Variants in SLC2A11 observed in about 807,000 individuals in gnomAD.
The protein encoded by SLC2A11 is solute carrier family 2 member 11.
Under a neutral mutation model 52.1 loss-of-function variants are expected in SLC2A11, and 43 were observed. That is an observed-to-expected ratio of 0.82 (90% CI 0.65 to 1.06). The LOEUF is 1.06. Among genes scored for constraint, SLC2A11 ranks in the 50% least tolerant of loss-of-function variants. SLC2A11 has a pLI of 0.00. For missense variants in SLC2A11, 582 were observed against 654.2 expected, an observed-to-expected ratio of 0.89 and a Z score of 1.20; for synonymous variants, 261 against 277.6, an observed-to-expected ratio of 0.94 and a Z score of 0.59.
chr22:23,861,883 A>G (rs1219190629), intron 1 of SLC2A11, among the ~76,000 whole-genome samples: 1 of 152,166 alleles, frequency 6.6e-6, no homozygotes, highest in African/African-American at 2.4e-5. Flanking sequence ...GGGTGAGGGT[A>G]AAGTGGGGTC....
intron 3 of SLC2A11, chr22:23,869,925 G>A (rs2032395532): frequency 1.4e-6 from 1 of 707,838 alleles, no homozygotes; most frequent in Non-Finnish European, 2.6e-6. Context: ...AAAAGAGCCT[G>A]CCTAGTTCCC....
At chr22:23,857,181 G>A, upstream of SLC2A11, 1 of 856,956 alleles carries the variant, frequency 1.2e-6, no homozygotes, top group Admixed American at 2.4e-5. Flanking sequence ...GCGGCCGGCA[G>A]TGGCGACCGG....
Position 23,868,641 on chromosome 22 carries a change from G to A in SLC2A11, c.290G>A (p.Arg97Lys), listed in dbSNP as rs1258776121. ...LAGPLAITLG[R>K]KKSLLVNNIF... ...GGTCCCTTGGCCATCACGCTGGGAA[G>A]GTAAGTGCTTCCTGCATACCCCCTG... The change falls in exon 3 of 12, where the codon AGG becomes AAG. Residue 97 changes from arginine to lysine, a missense_variant and splice_region_variant. Transcript: ENST00000316185. 1 of 1,613,976 alleles carries A rather than the reference G, an allele frequency of 6.2e-7. No individual in the cohort carries two copies. The highest frequency in any genetic ancestry group is 1.1e-5 in the South Asian group (1 of 91,084).
At chr22:23,877,565 T>C in intron 5 of SLC2A11, 156 bp from the exon 6 acceptor site, 2 of 1,010,280 alleles carry the variant, frequency 2.0e-6, no homozygotes, top group Non-Finnish European at 3.0e-6. Context: ...CCAACCTGGG[T>C]GGGAGGGATC....
At position 23,868,549 on chromosome 22, in the gene SLC2A11, C is replaced by T. The variant is rs201945538; in HGVS notation, c.198C>T (p.Val66=). The T allele has an allele frequency of 6.2e-7, 1 of 1,614,210 alleles. No individual in the cohort carries two copies. The highest frequency in any genetic ancestry group is 1.7e-5 in the Admixed American group (1 of 60,026). The change falls in exon 3 of 12, where the codon GTC becomes GTT. Residue 66 remains valine, a synonymous_variant. Transcript: ENST00000316185. The part of the protein sequence containing the change: ...RTGEPLPDHL[V]LLMWSLIVSL... Reference sequence around the variant, plus strand: ...GAGAGCCACTGCCCGATCACCTAGTCCTGCTTATGTGGTCCCTCATCGTGT... The same window carrying T: ...GAGAGCCACTGCCCGATCACCTAGTTCTGCTTATGTGGTCCCTCATCGTGT...
chr22:23,874,175 A>C (rs933345471), intron 3 of SLC2A11, among the ~76,000 whole-genome samples: 1 of 152,200 alleles, frequency 6.6e-6, no homozygotes, highest in Admixed American at 6.5e-5. Flanking sequence ...TAATACATGG[A>C]GGAAAATATA....
intron 2 of SLC2A11, 156 bp from the exon 3 acceptor site, chr22:23,868,325 A>G: frequency 1.3e-6 from 1 of 790,458 alleles, no homozygotes. Context: ...TGCTCAGGCG[A>G]GTTGGTTCCT....
At chr22:23,861,956 T>G in intron 1 of SLC2A11, 148 bp from the exon 2 acceptor site, 2 of 713,852 alleles carry the variant, frequency 2.8e-6, no homozygotes. Context: ...CCCAGGTAAC[T>G]CCTCTCTGTG....
chr22:23,863,009 A>G (rs2146107382), intron 2 of SLC2A11, among the ~76,000 whole-genome samples: 1 of 152,364 alleles, frequency 6.6e-6, no homozygotes, highest in African/African-American at 2.4e-5. Context: ...CCTCAGCTTC[A>G]TGGAAAAAGG....
In SLC2A11 at chr22:23,885,164, TA is replaced by T. The variant is rs1300387330; in HGVS notation, c.*317del. 2.1e-6 allele frequency: 1 copy of T among 482,276 alleles called. No individual in the cohort carries two copies. Among genetic ancestry groups the T allele is most frequent in the Admixed American group, 3.8e-5 (1 of 26,252 alleles). 29.9% of individuals were successfully genotyped at this position (482,276 alleles called of 1,614,324 possible). ...GGCCAGAGTTTGAAACCAGCCTAGGTAACATAGTGAGACCCCCTATCTCTAC... is the reference window on the plus strand; with the variant it reads ...GGCCAGAGTTTGAAACCAGCCTAGGTACATAGTGAGACCCCCTATCTCTAC... On this transcript the variant is annotated 3_prime_UTR_variant, in exon 12 of 12. Coordinates refer to ENST00000316185, the MANE Select transcript of SLC2A11 (RefSeq NM_001024939.4).
At position 23,884,414 on chromosome 22, in the gene SLC2A11, A is replaced by G. The variant is rs1278613173; in HGVS notation, c.1284A>G (p.Gly428=). ...TCATGCTCATCCTGGTCGGCCTGGGATTTCCCTTTATCATGGTAGGCCCGC... is the reference window on the plus strand; with the variant it reads ...TCATGCTCATCCTGGTCGGCCTGGGGTTTCCCTTTATCATGGTAGGCCCGC... ...MWIMLILVGL[G]FPFIMEALSH... is the part of the protein sequence containing the mutation. The change falls in exon 11 of 12, where the codon GGA becomes GGG. Residue 428 remains glycine, a synonymous_variant. Transcript: ENST00000316185. This position sits in a 1 kb window ranked among gnomAD's most constrained non-coding sequence, Gnocchi z 4.3. 6.2e-6 allele frequency: 10 copies of G among 1,613,378 alleles called. No individual in the cohort carries two copies. The African/African-American group carries it at 1.2e-4, about 19-fold the overall frequency.
At chr22:23,876,966 A>T in intron 4 of SLC2A11, 76 bp from the exon 5 acceptor site, 1 of 1,607,756 alleles carries the variant, frequency 6.2e-7, no homozygotes, top group Non-Finnish European at 8.5e-7. Flanking sequence ...TGAGTGGGGC[A>T]GGGGAGACAG....
At chr22:23,862,709 C>T (rs1034674010) in intron 2 of SLC2A11, among the ~76,000 whole-genome samples, 4 of 152,266 alleles carry the variant, frequency 2.6e-5, no homozygotes, top group Admixed American at 1.3e-4. Flanking sequence ...CCACAACCTC[C>T]GCCTACCAGG....
At chr22:23,881,790 A>G (rs1317578371) in intron 6 of SLC2A11, 1 of 155,110 alleles carries the variant, frequency 6.4e-6, no homozygotes, top group Non-Finnish European at 1.4e-5. Context: ...ACACAGAGAC[A>G]GAGAGATTGA....
chr22:23,878,347 G>C (rs2032692880), intron 6 of SLC2A11, among the ~76,000 whole-genome samples: 1 of 151,784 alleles, frequency 6.6e-6, no homozygotes, highest in Non-Finnish European at 1.5e-5. Context: ...AGTTCACAGT[G>C]TGGGGCGGGG....
chr22:23,862,368 A>C, intron 2 of SLC2A11, 166 bp downstream of exon 2: 1 of 615,262 alleles, frequency 1.6e-6, no homozygotes, highest in South Asian at 1.9e-5. Flanking sequence ...CTGAGCATAC[A>C]TCTTCCCCAA....
intron 3 of SLC2A11, 31 bp from the exon 4 acceptor site, chr22:23,875,086 C>G: frequency 6.6e-7 from 1 of 1,523,572 alleles, no homozygotes; most frequent in Non-Finnish European, 8.8e-7. Flanking sequence ...GAATCACAGC[C>G]TCTCTTTCTG....
In SLC2A11 at chr22:23,883,932, C is replaced by T. The variant is rs201707948; in HGVS notation, c.1096-17C>T. 8.8e-5 allele frequency: 142 copies of T among 1,611,830 alleles called. No homozygotes were observed. Among genetic ancestry groups the T allele is most frequent in the Middle Eastern group, 8.2e-4 (5 of 6,066 alleles). ...GCCGGGCTGACTTCCACCTCACCCCCGCCCCGTCCACGGCAGAGCTCCTTC... is the reference window on the plus strand; with the variant it reads ...GCCGGGCTGACTTCCACCTCACCCCTGCCCCGTCCACGGCAGAGCTCCTTC... On this transcript the variant is annotated splice_polypyrimidine_tract_variant and intron_variant, in intron 9 of 11. Coordinates refer to ENST00000316185, the MANE Select transcript of SLC2A11 (RefSeq NM_001024939.4).
In SLC2A11 at chr22:23,886,121, C is replaced by T. The variant is rs1440849048; in HGVS notation, c.*1272C>T. 6.6e-6 allele frequency: 1 copy of T among 152,216 alleles called. No individual in the cohort carries two copies. The highest frequency in any genetic ancestry group is 2.4e-5 in the African/African-American group (1 of 41,446). 9.4% of individuals were successfully genotyped at this position (152,216 alleles called of 1,614,324 possible). On this transcript the variant is annotated 3_prime_UTR_variant, in exon 12 of 12. Coordinates refer to ENST00000316185, the MANE Select transcript of SLC2A11 (RefSeq NM_001024939.4). The stretch of plus-strand genomic sequence containing the variant: ...ATGTACACATTTGTGTCTGGCTTGG[C>T]TCCAGATAAAGTTTTTGGGATTCAT...
Sources: gnomAD v4.1 joint callset for allele counts (sites outside exome capture counted in the v4.1 genomes callset) on GRCh38, gnomAD v4.1.1 for gene constraint, Gnocchi (gnomAD v3.1) non-coding constraint, MANE v1.5 for transcripts, NCBI Gene and HGNC (gene_info 2026-07-23, HGNC 2026-07-21) for gene names.